The following ITGA11 variants were observed in gnomAD, a reference collection of about 807,000 sequenced individuals.
ITGA11 encodes the protein integrin alpha-11.
ITGA11 carries 97 observed loss-of-function variants against 141.9 expected under a neutral mutation model. That is an observed-to-expected ratio of 0.68 (90% CI 0.58 to 0.81). The LOEUF is 0.81. Ranked by LOEUF, ITGA11 falls within the 30% of genes least tolerant of loss-of-function variation. The pLI, the probability that ITGA11 is intolerant of heterozygous loss-of-function variation, is 0.00. For missense variants in ITGA11, 1,387 were observed against 1,559.2 expected (o/e 0.89, Z 1.86); for synonymous variants, 658 against 624.6 (o/e 1.05, Z -0.80).
rs565379009 is a variant in ITGA11, at chr15:68,308,451, G to A, written c.3175-755C>T. Among the ~76,000 whole-genome samples the A allele has an allele frequency of 2.6e-5, 4 of 152,170 alleles. No homozygotes were observed. Among genetic ancestry groups the A allele is most frequent in the African/African-American group, 4.8e-5 (2 of 41,436 alleles). On this transcript the variant is annotated intron_variant, in intron 26 of 29. Transcript: ENST00000315757. This position sits in a 1 kb window ranked among gnomAD's most constrained non-coding sequence, Gnocchi z 5.2. ...GCAAATGGATAACTTGTTTTAAGAA[G>A]GACTAGAGGGCTGGGCATGGTGGCT...
At chr15:68,398,292 A>G (rs913119606) in intron 2 of ITGA11, among the ~76,000 whole-genome samples, 1 of 152,004 alleles carries the variant, frequency 6.6e-6, no homozygotes, top group Non-Finnish European at 1.5e-5. Context: ...GCTCAAAATA[A>G]AAGGATGGAG....
At chr15:68,347,921 TACAC>T (rs59472483) in intron 10 of ITGA11, among the ~76,000 whole-genome samples, 58,958 of 150,906 alleles carry the variant, frequency 0.39, 11,856 homozygotes, top group East Asian at 0.51. Flanking sequence ...AGAACACACA[TACAC>T]ACACACACAC....
chr15:68,313,189 C>T (rs1893452466), intron 23 of ITGA11, among the ~76,000 whole-genome samples: 1 of 152,138 alleles, frequency 6.6e-6, no homozygotes, highest in African/African-American at 2.4e-5. Context: ...CTTCCACCCT[C>T]TAGGGATGGC....
At chr15:68,370,831 A>G (rs983842665) in intron 2 of ITGA11, among the ~76,000 whole-genome samples, 1 of 152,182 alleles carries the variant, frequency 6.6e-6, no homozygotes, top group Non-Finnish European at 1.5e-5. Context: ...AGAAGCCACC[A>G]CATGCCAGCG....
In ITGA11 at chr15:68,299,782, G is replaced by C. The variant is rs1373202647; in HGVS notation, c.*3277C>G. The C allele has an allele frequency of 6.6e-6, 1 of 152,198 alleles. No homozygotes were observed. Among genetic ancestry groups the C allele is most frequent in the Non-Finnish European group, 1.5e-5 (1 of 68,044 alleles). 9.4% of individuals were successfully genotyped at this position (152,198 alleles called of 1,614,324 possible). On this transcript the variant is annotated 3_prime_UTR_variant, in exon 30 of 30. Coordinates refer to ENST00000315757, the MANE Select transcript of ITGA11 (RefSeq NM_001004439.2). The stretch of plus-strand genomic sequence containing the variant: ...ACTGACGGAGGTAGGAATTTATCTT[G>C]TGAAGACCTCTAGGGATGGAAAGGT...
intron 12 of ITGA11, among the ~76,000 whole-genome samples, chr15:68,334,150 GCT>G (rs1317551943): frequency 9.9e-5 from 15 of 152,252 alleles, no homozygotes; most frequent in African/African-American, 3.4e-4. Flanking sequence ...CATTGAGCCT[GCT>G]GTGTTCCCTC....
At chr15:68,350,329 C>T (rs1165367580) in intron 9 of ITGA11, among the ~76,000 whole-genome samples, 2 of 151,960 alleles carry the variant, frequency 1.3e-5, no homozygotes, top group African/African-American at 2.4e-5. Flanking sequence ...GGACTACAGG[C>T]ATGTACCACC....
intron 5 of ITGA11, among the ~76,000 whole-genome samples, chr15:68,359,212 T>C (rs1243476246): frequency 6.6e-6 from 1 of 152,156 alleles, no homozygotes; most frequent in Admixed American, 6.5e-5. Flanking sequence ...TCTGAACTGA[T>C]CATGGTTTCA....
chr15:68,427,112 T>C (rs977142492), intron 1 of ITGA11, among the ~76,000 whole-genome samples: 1 of 151,710 alleles, frequency 6.6e-6, no homozygotes, highest in African/African-American at 2.4e-5. Flanking sequence ...TGGATGAGCC[T>C]TTTAACTTCC....
rs1894342158 is a variant in ITGA11 at position 68,335,926 on chromosome 15, G to A, written c.1277-81C>T. 1 of 1,499,748 alleles carries A rather than the reference G, an allele frequency of 6.7e-7. No individual in the cohort carries two copies. Among genetic ancestry groups the A allele is most frequent in the Non-Finnish European group, 9.0e-7 (1 of 1,105,516 alleles). The allele number at this position is 1,499,748 out of a possible 1,614,324, so 92.9% of individuals were successfully genotyped here. A position where few individuals can be genotyped will look rare whatever the true frequency, so the allele number is the denominator to read the frequency against. The stretch of plus-strand genomic sequence containing the variant: ...TTGGCCCGGTGCATGGCTTGGCAGT[G>A]CCAGAGGATGGGCCAGTGATGGGGT... On this transcript the variant is annotated intron_variant, in intron 11 of 29. Transcript: ENST00000315757. The surrounding 1 kb of genome is among the most constrained non-coding windows in gnomAD (Gnocchi z 4.9).
chr15:68,367,635 G>A (rs954327271), intron 3 of ITGA11, among the ~76,000 whole-genome samples: 4 of 152,100 alleles, frequency 2.6e-5, no homozygotes, highest in Non-Finnish European at 5.9e-5. Context: ...TTGCCTACCC[G>A]ATTACTGTCC....
At chr15:68,406,547 C>T (rs1276774406) in intron 1 of ITGA11, among the ~76,000 whole-genome samples, 1 of 152,182 alleles carries the variant, frequency 6.6e-6, no homozygotes, top group Admixed American at 6.5e-5. Context: ...CCACCAAACA[C>T]CCCAGGGATC....
At chr15:68,393,452 A>G (rs1896164699) in intron 2 of ITGA11, among the ~76,000 whole-genome samples, 1 of 152,224 alleles carries the variant, frequency 6.6e-6, no homozygotes, top group South Asian at 2.1e-4. Context: ...CTGACATTAA[A>G]GGCAAATAAG....
chr15:68,326,744 G>C lies in ITGA11; in HGVS notation c.2121C>G (p.His707Gln). 6.3e-7 allele frequency: 1 copy of C among 1,582,066 alleles called. No individual in the cohort carries two copies. The highest frequency in any genetic ancestry group is 8.6e-7 in the Non-Finnish European group (1 of 1,163,932). Reference sequence around the variant, plus strand: ...TGAATCGGTCCCCGCCCTCGTCCAGGTGGGCCCTCGGTGTATACCGCCTCT... The same window carrying C: ...TGAATCGGTCCCCGCCCTCGTCCAGCTGGGCCCTCGGTGTATACCGCCTCT... ...MDERRYTPRA[H>Q]LDEGGDRFTN... is the part of the protein sequence containing the mutation. Residue 707 changes from histidine to glutamine, a missense_variant, in exon 17 of 30, where the codon CAC (histidine) becomes CAG (glutamine). By Grantham distance (24) the His-to-Gln change is conservative. Transcript: ENST00000315757. The surrounding 1 kb of genome is among the most constrained non-coding windows in gnomAD (Gnocchi z 6.8).
chr15:68,334,390 A>C (rs1894277483), intron 12 of ITGA11, among the ~76,000 whole-genome samples: 1 of 152,214 alleles, frequency 6.6e-6, no homozygotes, highest in South Asian at 2.1e-4. Flanking sequence ...CAAGGTCAGA[A>C]GGCCGGTCAC....
At chr15:68,385,252 T>C (rs1895956943) in intron 2 of ITGA11, among the ~76,000 whole-genome samples, 1 of 152,190 alleles carries the variant, frequency 6.6e-6, no homozygotes, top group South Asian at 2.1e-4. Flanking sequence ...CTCCCTGTAG[T>C]GAGGAGCTAC....
chr15:68,355,488 C>T (rs1439861257), intron 7 of ITGA11, among the ~76,000 whole-genome samples: 3 of 150,722 alleles, frequency 2.0e-5, no homozygotes, highest in African/African-American at 7.4e-5. Context: ...GGCTCTGTTG[C>T]CTAGGTGGAG....
intron 22 of ITGA11, among the ~76,000 whole-genome samples, chr15:68,314,495 T>C (rs16951750): frequency 0.044 from 6,683 of 152,236 alleles, 261 homozygotes; most frequent in African/African-American, 0.11. Context: ...TTGCTTGTTA[T>C]ATAGACTGAG....
intron 1 of ITGA11, among the ~76,000 whole-genome samples, chr15:68,403,604 T>C (rs1354422144): frequency 1.4e-5 from 2 of 142,120 alleles, no homozygotes; most frequent in Non-Finnish European, 3.0e-5. Context: ...TGAGCCAAAA[T>C]AAACCTCTTT....
Sources: allele counts gnomAD v4.1 joint callset (sites outside exome capture counted in the v4.1 genomes callset), GRCh38; gene constraint gnomAD v4.1.1; non-coding constraint Gnocchi (gnomAD v3.1); transcripts MANE v1.5; gene names NCBI Gene and HGNC (gene_info 2026-07-23, HGNC 2026-07-21).